Variants in TCP11L1 observed in about 807,000 individuals in gnomAD.
TCP11L1 encodes t-complex 11 like 1.
Under a neutral mutation model 48.9 loss-of-function variants are expected in TCP11L1, and 28 were observed. That is an observed-to-expected ratio of 0.57 (90% confidence interval 0.42 to 0.78). The LOEUF (loss-of-function observed/expected upper bound fraction) is 0.78, where lower values mean the gene tolerates loss of function less well. Ranked by LOEUF, TCP11L1 falls within the 30% of genes least tolerant of loss-of-function variation. TCP11L1 has a pLI of 0.00. For synonymous variants in TCP11L1, 204 were observed against 231.9 expected, an observed-to-expected ratio of 0.88 and a Z score of 1.09; for missense variants, 505 against 613.4, an observed-to-expected ratio of 0.82 and a Z score of 1.87.
At chr11:33,063,051 A>G (rs1407517018) in intron 7 of TCP11L1, among the ~76,000 whole-genome samples, 1 of 152,050 alleles carries the variant, frequency 6.6e-6, no homozygotes, top group Admixed American at 6.6e-5. Flanking sequence ...TTTTGTGGAG[A>G]CAGGGGTCTC....
intron 9 of TCP11L1, among the ~76,000 whole-genome samples, chr11:33,071,740 T>C (rs1854795758): frequency 6.6e-6 from 1 of 152,232 alleles, no homozygotes. Flanking sequence ...CACCTTTTTA[T>C]GTGATCGTCA....
chr11:33,041,792 A>G (rs1053311605), intron 1 of TCP11L1, among the ~76,000 whole-genome samples: 1 of 152,044 alleles, frequency 6.6e-6, no homozygotes, highest in African/African-American at 2.4e-5. Flanking sequence ...GAATATTTCA[A>G]TCCCAGTAAC....
chr11:33,058,034 A>G lies in TCP11L1; in HGVS notation c.533A>G (p.Lys178Arg), dbSNP rs2273549. The change falls in exon 5 of 10, where the codon AAG becomes AGG. Residue 178 changes from lysine (K) to arginine (R), a missense_variant. Transcript: ENST00000334274. ...GAGAATGGGGCGCTAGACATTTCCA[A>G]GCTGGCAGAATTCATTATTGGCATG... is the stretch of plus-strand genomic sequence containing the variant. ...EAENGALDIS[K>R]LAEFIIGMMG... 0.16 allele frequency: 262,187 copies of G among 1,613,928 alleles called. 22,221 individuals are homozygous for G. Among genetic ancestry groups the G allele is most frequent in the Middle Eastern group, 0.2 (1,233 of 6,060 alleles).
chr11:33,052,805 G>T (rs1165496182), intron 2 of TCP11L1, among the ~76,000 whole-genome samples: 2 of 151,976 alleles, frequency 1.3e-5, no homozygotes, highest in Non-Finnish European at 2.9e-5. Context: ...GACCAGCCTG[G>T]GCAACATGGC....
intron 5 of TCP11L1, 67 bp downstream of exon 5, chr11:33,058,206 CT>C (rs963733823): frequency 1.5e-3 from 1,888 of 1,244,592 alleles, no homozygotes; most frequent in South Asian, 2.1e-3. Flanking sequence ...TTTTTCTTTT[CT>C]TTTTTTTTTG....
intron 1 of TCP11L1, among the ~76,000 whole-genome samples, chr11:33,043,117 T>A (rs1853888245): frequency 6.6e-6 from 1 of 151,996 alleles, no homozygotes; most frequent in Admixed American, 6.6e-5. Flanking sequence ...CACCTGTAAT[T>A]TCAGCTACTT....
chr11:33,047,248 AC>A (rs1264180966), intron 2 of TCP11L1, among the ~76,000 whole-genome samples: 1 of 152,118 alleles, frequency 6.6e-6, no homozygotes, highest in Non-Finnish European at 1.5e-5. Context: ...TTCTGATGTA[AC>A]CGATGCAGAA....
In TCP11L1 at chr11:33,072,502, C is replaced by T. The variant is rs200379812; in HGVS notation, c.1356C>T (p.Thr452=). ...MESRILTFLE[T]YLASGHQKPL... is the part of the protein sequence containing the mutation. ...CTCGAATCCTGACCTTCTTAGAAAC[C>T]TACCTTGCCTCGGGTCATCAGAAGC... The change falls in exon 10 of 10, where the codon ACC becomes ACT. Residue 452 remains threonine, a synonymous_variant. Transcript: ENST00000334274. The T allele has an allele frequency of 6.2e-7, 1 of 1,614,144 alleles. No homozygotes were observed. The highest frequency in any genetic ancestry group is 2.2e-5 in the East Asian group (1 of 44,868).
At chr11:33,069,010 C>A in intron 9 of TCP11L1, 151 bp downstream of exon 9, 1 of 970,898 alleles carries the variant, frequency 1.0e-6, no homozygotes, top group Non-Finnish European at 1.5e-6. Flanking sequence ...CCAGGGCCAC[C>A]CAACAGATGG....
At chr11:33,042,536 A>G (rs1853868575) in intron 1 of TCP11L1, among the ~76,000 whole-genome samples, 1 of 152,300 alleles carries the variant, frequency 6.6e-6, no homozygotes, top group South Asian at 2.1e-4. Context: ...AACTGCATAC[A>G]TTATGGTTGT....
intron 7 of TCP11L1, among the ~76,000 whole-genome samples, chr11:33,064,046 A>G (rs187280734): frequency 1.1e-3 from 173 of 152,248 alleles, no homozygotes; most frequent in African/African-American, 3.9e-3. Context: ...TCTTCATCCC[A>G]TAAATATCCC....
At chr11:33,053,756 A>G (rs1008248566) in intron 2 of TCP11L1, among the ~76,000 whole-genome samples, 3 of 152,186 alleles carry the variant, frequency 2.0e-5, no homozygotes, top group African/African-American at 7.2e-5. Flanking sequence ...TGTACAAGAT[A>G]GTGGTTTTAG....
intron 2 of TCP11L1, among the ~76,000 whole-genome samples, chr11:33,052,990 CA>C (rs56102649): frequency 6.7e-6 from 1 of 149,754 alleles, no homozygotes; most frequent in Non-Finnish European, 1.5e-5. Flanking sequence ...GACCCTATCT[CA>C]AAAAAAAATA....
intron 3 of TCP11L1, 130 bp downstream of exon 3, chr11:33,054,855 TC>T: frequency 8.5e-7 from 1 of 1,179,196 alleles, no homozygotes. Flanking sequence ...TAAAAAATAT[TC>T]CTGAACAAGG....
intron 2 of TCP11L1, chr11:33,044,155 GT>G (rs1369698245): frequency 1.9e-5 from 8 of 423,426 alleles, no homozygotes; most frequent in African/African-American, 1.4e-4. Flanking sequence ...TGTCCAGAAC[GT>G]TCCTGTCTTT....
chr11:33,045,735 C>G (rs925898425), intron 2 of TCP11L1, among the ~76,000 whole-genome samples: 1 of 152,064 alleles, frequency 6.6e-6, no homozygotes, highest in Non-Finnish European at 1.5e-5. Context: ...ATGAAAAAGA[C>G]AAGTTTAAGA....
chr11:33,057,812 A>G, intron 4 of TCP11L1, 107 bp from the exon 5 acceptor site: 1 of 924,498 alleles, frequency 1.1e-6, no homozygotes, highest in South Asian at 1.9e-5. Context: ...AATATGTGCA[A>G]TATTACGTAG....
intron 2 of TCP11L1, among the ~76,000 whole-genome samples, chr11:33,053,183 C>T (rs995277986): frequency 2.6e-4 from 37 of 141,926 alleles, no homozygotes; most frequent in Middle Eastern, 3.9e-3. Flanking sequence ...CTTCCTCTGT[C>T]GCCCAGGCTG....
At chr11:33,057,794 A>C (rs1590231849) in intron 4 of TCP11L1, 125 bp from the exon 5 acceptor site, 4 of 794,592 alleles carry the variant, frequency 5.0e-6, no homozygotes, top group Non-Finnish European at 7.5e-6. Context: ...TTGTTGAATA[A>C]GAAGTAAAAT....
Sources: allele counts gnomAD v4.1 joint callset (sites outside exome capture counted in the v4.1 genomes callset), GRCh38; gene constraint gnomAD v4.1.1; transcripts MANE v1.5; gene names NCBI Gene and HGNC (gene_info 2026-07-23, HGNC 2026-07-21).